The following FOXP1 variants were observed in gnomAD, a reference collection of about 807,000 sequenced individuals.
The protein encoded by FOXP1 is forkhead box P1.
In FOXP1, 15 loss-of-function variants were observed where a neutral mutation model predicts 98.2. The observed-to-expected ratio is 0.15, with a 90% CI of 0.10 to 0.24. FOXP1 has a LOEUF of 0.24. Among genes scored for constraint, FOXP1 ranks in the 10% least tolerant of loss-of-function variants. The pLI, the probability that FOXP1 is intolerant of heterozygous loss-of-function variation, is 1.00. For missense variants in FOXP1, 633 were observed against 848.5 expected (o/e 0.75, Z 3.15); for synonymous variants, 371 against 314.5 (o/e 1.18, Z -1.90).
chr3:71,574,191 GA>G (rs2047555636), intron 2 of FOXP1: 1 of 152,052 alleles, frequency 6.6e-6, no homozygotes, highest in African/African-American at 2.4e-5. Flanking sequence ...TAAACCTACA[GA>G]AAAGCAAACT....
At chr3:71,080,980 C>T (rs2054346490) in intron 7 of FOXP1, among the ~76,000 whole-genome samples, 2 of 152,334 alleles carry the variant, frequency 1.3e-5, no homozygotes, top group Middle Eastern at 3.4e-3. Flanking sequence ...TTCACTTTGG[C>T]CCATTCTACC....
chr3:70,987,786 T>C (rs2039985442), intron 14 of FOXP1, among the ~76,000 whole-genome samples: 1 of 152,236 alleles, frequency 6.6e-6, no homozygotes, highest in African/African-American at 2.4e-5. Context: ...GCAAGGACCA[T>C]ATCTGAATCA....
chr3:71,392,959 G>A (rs943147743), intron 3 of FOXP1, among the ~76,000 whole-genome samples: 2 of 152,132 alleles, frequency 1.3e-5, no homozygotes, highest in Admixed American at 6.5e-5. Context: ...GACTCTTTGA[G>A]ATGGCAAGCC....
intron 3 of FOXP1, among the ~76,000 whole-genome samples, chr3:71,460,589 G>A (rs571610745): frequency 9.2e-5 from 14 of 151,926 alleles, no homozygotes; most frequent in African/African-American, 3.1e-4. Context: ...GGTGCACACC[G>A]CCAGGCTTGG....
At chr3:71,530,656 A>G (rs1252785777) in intron 2 of FOXP1, among the ~76,000 whole-genome samples, 2 of 152,242 alleles carry the variant, frequency 1.3e-5, no homozygotes, top group African/African-American at 4.8e-5. Context: ...AAAATCAGTA[A>G]TTATGTTGCA....
At chr3:71,441,402 G>A (rs2085926737) in intron 3 of FOXP1, among the ~76,000 whole-genome samples, 1 of 152,226 alleles carries the variant, frequency 6.6e-6, no homozygotes, top group African/African-American at 2.4e-5. Context: ...GGCCCCAAAT[G>A]TCAACAGCGC....
At chr3:71,321,435 T>C (rs1036537668) in intron 4 of FOXP1, among the ~76,000 whole-genome samples, 1 of 152,080 alleles carries the variant, frequency 6.6e-6, no homozygotes, top group Non-Finnish European at 1.5e-5. Context: ...TAAGTGACCA[T>C]GGAATAAAAG....
chr3:71,064,857 AGCCGGGCTCGGGGCGCCCGCGCGG>A (rs1451111814), intron 7 of FOXP1: 35 of 981,424 alleles, frequency 3.6e-5, no homozygotes, highest in South Asian at 1.4e-4. Flanking sequence ...AGGCGCGCGG[AGCCGGGCTCGGGGCGCCCGCGCGG>A]GCCGGGCGTG....
intron 9 of FOXP1, 80 bp from the exon 10 acceptor site, chr3:71,047,175 T>G: frequency 2.0e-6 from 3 of 1,517,692 alleles, no homozygotes; most frequent in Non-Finnish European, 9.1e-7. Context: ...AAACTCACCA[T>G]CATCATCAAA....
At chr3:70,997,115 T>C (rs2041482122) in intron 13 of FOXP1, among the ~76,000 whole-genome samples, 1 of 152,186 alleles carries the variant, frequency 6.6e-6, no homozygotes, top group South Asian at 2.1e-4. Flanking sequence ...AATGTGCAGG[T>C]AATCCCCTCT....
At chr3:71,247,544 G>A (rs911912523) in intron 5 of FOXP1, among the ~76,000 whole-genome samples, 4 of 152,182 alleles carry the variant, frequency 2.6e-5, no homozygotes, top group Admixed American at 6.5e-5. Context: ...AAATCAGGCC[G>A]AGGGCCTGCG....
At chr3:71,456,193 C>T (rs6769097) in intron 3 of FOXP1, among the ~76,000 whole-genome samples, 151,350 of 152,276 alleles carry the variant, frequency 0.99, 75,243 homozygotes, top group Middle Eastern at 1. Context: ...CTTTTTGAAA[C>T]CAACAAACAA....
At chr3:71,249,701 C>G (rs558546482) in intron 5 of FOXP1, among the ~76,000 whole-genome samples, 1 of 152,208 alleles carries the variant, frequency 6.6e-6, no homozygotes, top group Non-Finnish European at 1.5e-5. Context: ...GGAGTACAAG[C>G]CAATCCACTA....
chr3:71,301,904 AT>A (rs2073876338), intron 4 of FOXP1, among the ~76,000 whole-genome samples: 1 of 152,162 alleles, frequency 6.6e-6, no homozygotes, highest in African/African-American at 2.4e-5. Flanking sequence ...AACCAGTATC[AT>A]TTTTTTCCCC....
intron 3 of FOXP1, among the ~76,000 whole-genome samples, chr3:71,374,695 T>A (rs2079590865): frequency 6.6e-6 from 1 of 152,216 alleles, no homozygotes; most frequent in East Asian, 1.9e-4. Context: ...GAAATAATTA[T>A]TGTGCAAGTA....
intron 4 of FOXP1, among the ~76,000 whole-genome samples, chr3:71,338,418 A>G (rs2076815208): frequency 6.6e-6 from 1 of 152,186 alleles, no homozygotes; most frequent in Admixed American, 6.5e-5. Context: ...TGCCTTTCCA[A>G]CCCGAGTCTT....
chr3:71,335,742 C>G (rs1055173136), intron 4 of FOXP1, among the ~76,000 whole-genome samples: 1 of 152,024 alleles, frequency 6.6e-6, no homozygotes. Context: ...TGGTGGCTCA[C>G]GCTTATAATC....
chr3:71,583,828 A>C, upstream of FOXP1: 2 of 986,882 alleles, frequency 2.0e-6, no homozygotes, highest in Non-Finnish European at 2.4e-6. Context: ...GCGGCGGCAG[A>C]GGCGCGGGCA....
chr3:71,028,144 AT>A (rs546471994), intron 11 of FOXP1, among the ~76,000 whole-genome samples: 8 of 151,398 alleles, frequency 5.3e-5, no homozygotes, highest in South Asian at 4.2e-4. Context: ...CAAAATTGAA[AT>A]TTTTTTTTTA....
Sources: gnomAD v4.1 joint callset for allele counts (sites outside exome capture counted in the v4.1 genomes callset) on GRCh38, gnomAD v4.1.1 for gene constraint, MANE v1.5 for transcripts, NCBI Gene and HGNC (gene_info 2026-07-23, HGNC 2026-07-21) for gene names.